Variants in DMD observed in about 807,000 individuals in gnomAD.
The protein encoded by DMD is mutant dystrophin.
A neutral mutation model predicts 330.1 loss-of-function variants in DMD; 63 were observed. The observed-to-expected ratio is 0.19, with a 90% CI of 0.16 to 0.24. The LOEUF (loss-of-function observed/expected upper bound fraction) is 0.24. Among genes scored for constraint, DMD ranks in the 10% least tolerant of loss-of-function variants. The pLI is 1.00. For missense variants in DMD, 3,344 were observed against 2,684.1 expected (o/e 1.25, Z -5.43); for synonymous variants, 1,223 against 959.8 (o/e 1.27, Z -5.07).
rs183475764 is a variant in DMD at position 32,394,992 on chromosome X, T to A, written c.4234-4811A>T. ...CAGATATTTGTGGGAACTTATGTGC[T>A]AACACTTTATATAATTAATTCCATC... is the stretch of plus-strand genomic sequence containing the variant. On this transcript the variant is annotated intron_variant, in intron 30 of 78. Transcript: ENST00000357033. 3.6e-3 allele frequency among the ~76,000 whole-genome samples: 387 copies of A among 107,284 alleles called. 3 individuals are homozygous for A. The highest frequency in any genetic ancestry group is 0.013 in the African/African-American group (375 of 29,835). The allele number at this position is 107,284 out of a possible 115,157, so 93.2% of individuals were successfully genotyped here.
chrX:31,306,203 A>G (rs2055018609), intron 62 of DMD, among the ~76,000 whole-genome samples: 1 of 111,806 alleles, frequency 8.9e-6, no homozygotes. Flanking sequence ...CAAATTTAAA[A>G]AAAAATCCAG....
At chrX:31,354,135 A>G (rs1602100598) in intron 60 of DMD, among the ~76,000 whole-genome samples, 2 of 111,663 alleles carry the variant, frequency 1.8e-5, no homozygotes, top group South Asian at 7.6e-4. Flanking sequence ...AAAGCATCTC[A>G]GGAAAAAAAG....
At chrX:32,810,612 G>C (rs1202900684) in intron 6 of DMD, among the ~76,000 whole-genome samples, 5 of 111,872 alleles carry the variant, frequency 4.5e-5, no homozygotes, top group Non-Finnish European at 7.5e-5. Context: ...GAATTTGACT[G>C]CTTCTGACTA....
chrX:31,839,616 A>G (rs1374911145), intron 48 of DMD, among the ~76,000 whole-genome samples: 1 of 111,959 alleles, frequency 8.9e-6, no homozygotes, highest in Non-Finnish European at 1.9e-5. Flanking sequence ...ACTCATTTCT[A>G]TGACAAATTA....
chrX:33,131,134 G>T (rs2095496841), intron 1 of DMD, among the ~76,000 whole-genome samples: 1 of 110,481 alleles, frequency 9.1e-6, no homozygotes, highest in South Asian at 3.9e-4. Flanking sequence ...GTTCTGATTC[G>T]GTAATTTTAG....
intron 1 of DMD, among the ~76,000 whole-genome samples, chrX:33,252,731 T>C (rs1454991253): frequency 1.8e-5 from 2 of 111,145 alleles, no homozygotes; most frequent in African/African-American, 6.5e-5. Flanking sequence ...TGATATACCA[T>C]CTGAAATTTT....
At chrX:31,386,440 T>C (rs2060450808) in intron 60 of DMD, among the ~76,000 whole-genome samples, 1 of 112,204 alleles carries the variant, frequency 8.9e-6, no homozygotes, top group Non-Finnish European at 1.9e-5. Context: ...TGTGTGAGGC[T>C]GAAAAGCTGG....
intron 62 of DMD, among the ~76,000 whole-genome samples, chrX:31,287,716 G>C (rs1381206919): frequency 8.9e-6 from 1 of 112,358 alleles, no homozygotes; most frequent in Non-Finnish European, 1.9e-5. Flanking sequence ...GCTGATATCA[G>C]AATCCTTTGC....
At chrX:32,539,385 C>G (rs2048292963) in intron 17 of DMD, among the ~76,000 whole-genome samples, 2 of 110,479 alleles carry the variant, frequency 1.8e-5, no homozygotes, top group Admixed American at 9.7e-5. Context: ...ATGCATAAGT[C>G]TAGTCTCCTT....
At chrX:32,041,070 T>G (rs2095997985) in intron 44 of DMD, among the ~76,000 whole-genome samples, 1 of 111,179 alleles carries the variant, frequency 9.0e-6, no homozygotes, top group Non-Finnish European at 1.9e-5. Flanking sequence ...GAAATCAATA[T>G]GGTTATGTTT....
chrX:32,321,116 T>C lies in DMD; in HGVS notation c.5923-10840A>G, dbSNP rs1290711174. Among the ~76,000 whole-genome samples the C allele has an allele frequency of 2.7e-5, 3 of 111,733 alleles. No individual in the cohort carries two copies. The Admixed American group carries it at 2.9e-4, about 11-fold the overall frequency. On this transcript the variant is annotated intron_variant, in intron 41 of 78. Coordinates refer to ENST00000357033, the MANE Select transcript of DMD (RefSeq NM_004006.3). ...TTTGCATTATTTATATGGTCAAAGC[T>C]TATTAATTATATATATGCACATGTA...
intron 62 of DMD, among the ~76,000 whole-genome samples, chrX:31,321,583 CAAAAAAAAAAAAAAA>C (rs1190446358): frequency 1.9e-4 from 2 of 10,468 alleles, no homozygotes; most frequent in Middle Eastern, 0.071. Flanking sequence ...AACTCCATCT[CAAAAAAAAAAAAAAA>C]AAAAAAAAAA....
upstream of DMD, among the ~76,000 whole-genome samples, chrX:33,212,850 C>A (rs2051970326): frequency 9.0e-6 from 1 of 111,520 alleles, no homozygotes; most frequent in Non-Finnish European, 1.9e-5. Flanking sequence ...TTTCATAAAA[C>A]AACATAGAAA....
At chrX:33,257,647 G>A (rs1367100598) in intron 1 of DMD, among the ~76,000 whole-genome samples, 1 of 111,103 alleles carries the variant, frequency 9.0e-6, no homozygotes, top group Admixed American at 9.6e-5. Context: ...ATGAAACTAT[G>A]TGATACCATA....
chrX:31,572,708 T>C (rs985078238), intron 55 of DMD, among the ~76,000 whole-genome samples: 1 of 112,051 alleles, frequency 8.9e-6, no homozygotes. Context: ...CAGTGGCAGT[T>C]GGCTTGATAA....
chrX:31,830,711 C>T (rs182202146), intron 49 of DMD, among the ~76,000 whole-genome samples: 46 of 111,901 alleles, frequency 4.1e-4, no homozygotes, highest in Middle Eastern at 4.6e-3. Flanking sequence ...GCATTGAGAA[C>T]GTGAAAAATA....
At chrX:31,178,385 A>G in intron 70 of DMD, 1 of 949,658 alleles carries the variant, frequency 1.1e-6, no homozygotes, top group Non-Finnish European at 1.3e-6. Context: ...ACAGTCCCAT[A>G]TTTCTTATAA....
At chrX:32,653,366 T>A (rs1205805729) in intron 9 of DMD, among the ~76,000 whole-genome samples, 2 of 112,172 alleles carry the variant, frequency 1.8e-5, no homozygotes, top group Non-Finnish European at 3.8e-5. Flanking sequence ...AGTTTCAGCT[T>A]TCTACATATG....
chrX:32,689,284 G>C (rs2147449255), intron 9 of DMD, among the ~76,000 whole-genome samples: 1 of 110,131 alleles, frequency 9.1e-6, no homozygotes, highest in African/African-American at 3.3e-5. Flanking sequence ...AGACCACTAT[G>C]AACAATTTTA....
Sources: gnomAD v4.1 joint callset for allele counts (sites outside exome capture counted in the v4.1 genomes callset) on GRCh38, gnomAD v4.1.1 for gene constraint, MANE v1.5 for transcripts, NCBI Gene and HGNC (gene_info 2026-07-23, HGNC 2026-07-21) for gene names.